Variants in CFTR observed in about 807,000 individuals in gnomAD.
The protein encoded by CFTR is CF transmembrane conductance regulator.
In CFTR, 181 loss-of-function variants were observed where a neutral mutation model predicts 171.6. The observed-to-expected ratio is 1.05, with a 90% confidence interval of 0.93 to 1.19. The LOEUF (loss-of-function observed/expected upper bound fraction) is 1.19. Among genes scored for constraint, CFTR ranks in the 50% most tolerant of loss-of-function variants. The probability of loss-of-function intolerance (pLI) is 0.00; values close to 1 mark genes in which losing one functional copy is unlikely to be tolerated. For synonymous variants in CFTR, 583 were observed against 608.0 expected, an observed-to-expected ratio of 0.96 and a Z score of 0.60; for missense variants, 1,968 against 1,734.7, an observed-to-expected ratio of 1.13 and a Z score of -2.39.
chr7:117,542,076 G>C lies in CFTR; in HGVS notation c.1177G>C (p.Val393Leu), dbSNP rs1562892874. ...LEYNLTTTEV[V>L]MENVTAFWEE... is the part of the protein sequence containing the mutation. ...ATATAACTTAACGACTACAGAAGTA[G>C]TGATGGAGAATGTAACAGCCTTCTG... Residue 393 changes from valine to leucine, a missense_variant, in exon 9 of 27, where the codon GTG becomes CTG. By Grantham distance (32) the Val-to-Leu change is conservative. Coordinates refer to ENST00000003084, the MANE Select transcript of CFTR (RefSeq NM_000492.4). 4 of 1,602,414 alleles carry C rather than the reference G, an allele frequency of 2.5e-6. No homozygotes were observed. Among genetic ancestry groups the C allele is most frequent in the Admixed American group, 1.7e-5 (1 of 60,010 alleles).
chr7:117,530,499 T>G (rs1348452780), intron 3 of CFTR, among the ~76,000 whole-genome samples: 1 of 151,886 alleles, frequency 6.6e-6, no homozygotes, highest in Non-Finnish European at 1.5e-5. Context: ...GCAAAGAAAG[T>G]CTCTATAGTA....
intron 18 of CFTR, among the ~76,000 whole-genome samples, chr7:117,607,092 G>A (rs1782544693): frequency 6.6e-6 from 1 of 152,026 alleles, no homozygotes; most frequent in Non-Finnish European, 1.5e-5. Flanking sequence ...TTTGATGGAA[G>A]CCAACCTCCC....
At position 117,664,398 on chromosome 7, in the gene CFTR, C is replaced by T. The variant is rs1331827358; in HGVS notation, c.3964-290C>T. On this transcript the variant is annotated intron_variant, in intron 24 of 26. Transcript: ENST00000003084. ...TGAGCCTCACAAGAGCCATGTGCCA[C>T]GTATTGTTTTCTTACTACTTTTTGG... 2.0e-5 allele frequency among the ~76,000 whole-genome samples: 3 copies of T among 152,140 alleles called. 1 individual carries two copies. Among genetic ancestry groups the T allele is most frequent in the African/African-American group, 7.2e-5 (3 of 41,430 alleles).
intron 9 of CFTR, among the ~76,000 whole-genome samples, chr7:117,545,639 C>A (rs1048148103): frequency 6.6e-6 from 1 of 152,078 alleles, no homozygotes; most frequent in Non-Finnish European, 1.5e-5. Context: ...TGCTCCAAAC[C>A]TGAGAGTAAG....
intron 3 of CFTR, among the ~76,000 whole-genome samples, chr7:117,519,984 A>C (rs1002693259): frequency 2.6e-5 from 4 of 152,016 alleles, no homozygotes; most frequent in African/African-American, 9.7e-5. Flanking sequence ...TCCTGATACT[A>C]AACTATGAAA....
chr7:117,618,179 T>A (rs1283617913), intron 21 of CFTR, among the ~76,000 whole-genome samples: 1 of 152,162 alleles, frequency 6.6e-6, no homozygotes, highest in African/African-American at 2.4e-5. Flanking sequence ...CTCAGCCCTG[T>A]TCTACTGACA....
chr7:117,509,574 G>T (rs184414112), intron 3 of CFTR, among the ~76,000 whole-genome samples: 1 of 152,172 alleles, frequency 6.6e-6, no homozygotes, highest in African/African-American at 2.4e-5. Flanking sequence ...ATGGTGAATT[G>T]TTTCAAAGAA....
At chr7:117,488,799 G>T (rs1457758408) in intron 1 of CFTR, among the ~76,000 whole-genome samples, 1 of 152,012 alleles carries the variant, frequency 6.6e-6, no homozygotes, top group Admixed American at 6.6e-5. Flanking sequence ...TAATTTTCTT[G>T]ATCCTACATG....
intron 21 of CFTR, among the ~76,000 whole-genome samples, chr7:117,623,492 T>C (rs1792610660): frequency 6.6e-6 from 1 of 152,220 alleles, no homozygotes. Context: ...AGTTTTTATG[T>C]ATCAGGTGAA....
intron 3 of CFTR, among the ~76,000 whole-genome samples, chr7:117,512,502 C>T (rs761511566): frequency 6.6e-6 from 1 of 151,804 alleles, no homozygotes; most frequent in South Asian, 2.1e-4. Context: ...GGCGTGGTGG[C>T]GGGCACCTGT....
rs1554381590 is a variant in CFTR, at chr7:117,541,985, A to G, written c.1117-31A>G. 3 of 1,062,762 alleles carry G rather than the reference A, an allele frequency of 2.8e-6. No individual in the cohort carries two copies. Among genetic ancestry groups the G allele is most frequent in the Admixed American group, 3.4e-5 (2 of 58,994 alleles). 65.8% of individuals were successfully genotyped at this position (1,062,762 alleles called of 1,614,324 possible). ...AATGCATTAATGCTATTCTGATTCT[A>G]TAATATGTTTTTGCTCTCTTTTATA... On this transcript the variant is annotated intron_variant, in intron 8 of 26. Transcript: ENST00000003084.
intron 22 of CFTR, among the ~76,000 whole-genome samples, chr7:117,632,477 C>G (rs1312280847): frequency 1.3e-5 from 2 of 150,974 alleles, no homozygotes; most frequent in Non-Finnish European, 2.9e-5. Context: ...GCAGGAGGAT[C>G]GCTTGAGCCC....
chr7:117,577,408 T>C (rs1791787759), intron 11 of CFTR, among the ~76,000 whole-genome samples: 1 of 152,188 alleles, frequency 6.6e-6, no homozygotes, highest in African/African-American at 2.4e-5. Context: ...ACAACTTGAA[T>C]TGTTTAAAGT....
chr7:117,631,367 C>T (rs1263883574), intron 22 of CFTR, among the ~76,000 whole-genome samples: 1 of 152,084 alleles, frequency 6.6e-6, no homozygotes, highest in African/African-American at 2.4e-5. Flanking sequence ...CATATCAAGC[C>T]CCTATCAACC....
In CFTR at chr7:117,642,448, T is replaced by G; in HGVS notation, c.3728T>G (p.Leu1243Trp). Residue 1243 changes from leucine to tryptophan, a missense_variant, in exon 23 of 27, where the codon TTG becomes TGG. Transcript: ENST00000003084. Reference sequence around the variant, plus strand: ...ACTTTTACCTTATAGGTGGGCCTCTTGGGAAGAACTGGATCAGGGAAGAGT... The same window carrying G: ...ACTTTTACCTTATAGGTGGGCCTCTGGGGAAGAACTGGATCAGGGAAGAGT... ...SISPGQRVGLLGRTGSGKSTL... is the reference protein window; with the variant it reads ...SISPGQRVGLWGRTGSGKSTL... 6.2e-7 allele frequency: 1 copy of G among 1,613,562 alleles called. No individual in the cohort carries two copies.
chr7:117,642,372 C>G (rs1273049818), intron 22 of CFTR, 66 bp from the exon 23 acceptor site: 2 of 1,417,170 alleles, frequency 1.4e-6, no homozygotes, highest in East Asian at 4.6e-5. Flanking sequence ...AAGTACAATA[C>G]TGAATTATGT....
intron 3 of CFTR, among the ~76,000 whole-genome samples, chr7:117,519,081 A>G (rs1007941182): frequency 3.9e-5 from 6 of 152,272 alleles, no homozygotes; most frequent in African/African-American, 7.2e-5. Flanking sequence ...ATCAGTAAGC[A>G]CTAAAAGGAA....
Position 117,558,028 on chromosome 7 carries a change from T to C in CFTR, c.1393-1436T>C, listed in dbSNP as rs551752351. On this transcript the variant is annotated intron_variant, in intron 10 of 26. Coordinates refer to ENST00000003084, the MANE Select transcript of CFTR (RefSeq NM_000492.4). ...GGGCATAGCTCTGTGGCATAAAGTA[T>C]ACTCACATAGTTGTGCAACTATCAC... Among the ~76,000 whole-genome samples the C allele has an allele frequency of 1.3e-5, 2 of 152,308 alleles. 1 individual carries two copies. The highest frequency in any genetic ancestry group is 4.1e-4 in the South Asian group (2 of 4,826).
At chr7:117,548,412 AAT>A (rs1799199696) in intron 9 of CFTR, among the ~76,000 whole-genome samples, 1 of 150,724 alleles carries the variant, frequency 6.6e-6, no homozygotes, top group South Asian at 2.1e-4. Context: ...GAAATTAAAA[AAT>A]CTTTAACTTG....
Sources: allele counts gnomAD v4.1 joint callset (sites outside exome capture counted in the v4.1 genomes callset), GRCh38; gene constraint gnomAD v4.1.1; transcripts MANE v1.5; gene names NCBI Gene and HGNC (gene_info 2026-07-23, HGNC 2026-07-21).